The following C12orf50 variants were observed in gnomAD, a reference collection of about 807,000 sequenced individuals.
The protein encoded by C12orf50 is zinc finger CCCH-type containing 11D, also known as uncharacterized protein C12orf50.
C12orf50 carries 35 observed loss-of-function variants against 61.6 expected under a neutral mutation model. That is an observed-to-expected ratio of 0.57 (90% CI 0.43 to 0.75). C12orf50 has a LOEUF of 0.75. Among genes scored for constraint, C12orf50 ranks in the 30% least tolerant of loss-of-function variants. The pLI, the probability that C12orf50 is intolerant of heterozygous loss-of-function variation, is 0.00. For synonymous variants in C12orf50, 178 were observed against 161.5 expected (o/e 1.10, Z -0.77); for missense variants, 475 against 488.5 (o/e 0.97, Z 0.26).
intron 3 of C12orf50, among the ~76,000 whole-genome samples, chr12:88,001,292 A>ATATAT (rs2031644800): frequency 6.7e-6 from 1 of 149,590 alleles, no homozygotes; most frequent in African/African-American, 2.5e-5. Flanking sequence ...TATTGTGGGT[A>ATATAT]TATTATTATT....
rs141930463 is a variant in C12orf50 at position 87,994,667 on chromosome 12, T to A, written c.558A>T (p.Lys186Asn). 1,241 of 1,613,216 alleles carry A rather than the reference T, an allele frequency of 7.7e-4. 1 individual carries two copies. The highest frequency in any genetic ancestry group is 8.8e-4 in the Non-Finnish European group (1,040 of 1,179,404). Residue 186 changes from lysine (K) to asparagine (N), a missense_variant, in exon 7 of 13, where the codon AAA becomes AAT. By Grantham distance (94) the Lys-to-Asn change is moderately conservative (BLOSUM62 0). Transcript: ENST00000298699. ...CAAAAGCAGCAATGTCAGTCTTTGG[T>A]TTCCCATGCAATGATGTTTTTATTT... The part of the protein sequence containing the change: ...QGEIKTSLHG[K>N]PKTDIAAFEN...
At chr12:88,015,589 A>G (rs2032282231) in intron 3 of C12orf50, among the ~76,000 whole-genome samples, 1 of 152,208 alleles carries the variant, frequency 6.6e-6, no homozygotes. Flanking sequence ...TTTTAAAACA[A>G]GTTTGTCTAA....
chr12:88,004,203 T>C (rs1004660213), intron 3 of C12orf50, among the ~76,000 whole-genome samples: 2 of 152,178 alleles, frequency 1.3e-5, no homozygotes, highest in Non-Finnish European at 2.9e-5. Flanking sequence ...TTTAGGTCTT[T>C]GGACATATTA....
At chr12:87,981,343 G>A (rs1395053035) in intron 12 of C12orf50, among the ~76,000 whole-genome samples, 1 of 152,100 alleles carries the variant, frequency 6.6e-6, no homozygotes. Flanking sequence ...TGGGTCCTGT[G>A]CTGGGCTCTT....
At chr12:87,999,064 C>T (rs1189849112) in intron 3 of C12orf50, among the ~76,000 whole-genome samples, 1 of 152,068 alleles carries the variant, frequency 6.6e-6, no homozygotes, top group Non-Finnish European at 1.5e-5. Flanking sequence ...AAAGAAAAAG[C>T]AGTCAATGAA....
chr12:87,985,966 A>T lies in C12orf50; in HGVS notation c.1010T>A (p.Val337Asp), dbSNP rs2030795533. The T allele has an allele frequency of 1.2e-6, 2 of 1,613,784 alleles. No individual in the cohort carries two copies. The highest frequency in any genetic ancestry group is 2.7e-5 in the African/African-American group (2 of 74,888). Residue 337 changes from valine to aspartate, a missense_variant, in exon 11 of 13, where the codon GTT becomes GAT. Physicochemically the swap from Val to Asp is radical, Grantham distance 152 (BLOSUM62 -3). Coordinates refer to ENST00000298699, the MANE Select transcript of C12orf50 (RefSeq NM_152589.3). ...GACAGTCCTGACAGCATCTCTTTGAACGTGGATATAGGATGCATTCTCCGC... is the reference window on the plus strand; with the variant it reads ...GACAGTCCTGACAGCATCTCTTTGATCGTGGATATAGGATGCATTCTCCGC... ...RNAENASYIH[V>D]QRDAVRTVAL...
intron 3 of C12orf50, among the ~76,000 whole-genome samples, chr12:88,005,048 TA>T (rs564616687): frequency 1.3e-4 from 20 of 150,208 alleles, no homozygotes; most frequent in South Asian, 2.1e-4. Flanking sequence ...AAATAAAAGT[TA>T]AAAAAAAAAT....
Position 87,994,717 on chromosome 12 carries a change from G to A in C12orf50, c.508C>T (p.Leu170Phe). ...TCACCTTGCCTTTCATATTGGCTAAGTTTTGTCGGAACTGTAAGACTATCT... is the reference window on the plus strand; with the variant it reads ...TCACCTTGCCTTTCATATTGGCTAAATTTTGTCGGAACTGTAAGACTATCT... ...EGDSLTVPTK[L>F]SQYERQGEIK... Residue 170 changes from leucine to phenylalanine, a missense_variant, in exon 7 of 13, where the codon CTT becomes TTT. By Grantham distance (22) the Leu-to-Phe change is conservative. Coordinates refer to ENST00000298699, the MANE Select transcript of C12orf50 (RefSeq NM_152589.3). 6.2e-7 allele frequency: 1 copy of A among 1,612,664 alleles called. No homozygotes were observed. Among genetic ancestry groups the A allele is most frequent in the Non-Finnish European group, 8.5e-7 (1 of 1,179,078 alleles).
rs142709374 is a variant in C12orf50 at position 88,021,375 on chromosome 12, G to A, written c.133+5113C>T. ...AGGGAGGCCAGCTTCAGTGGCTCAC[G>A]CCTATAATCCCAGCACTTTGGGAGG... is the stretch of plus-strand genomic sequence containing the variant. On this transcript the variant is annotated intron_variant, in intron 3 of 12. Transcript: ENST00000298699. 1.4e-4 allele frequency among the ~76,000 whole-genome samples: 21 copies of A among 152,060 alleles called. No individual in the cohort carries two copies. In the East Asian group the frequency reaches 2.7e-3, roughly 20 times the overall value.
At chr12:88,015,023 G>T (rs899078753) in intron 3 of C12orf50, among the ~76,000 whole-genome samples, 4 of 151,818 alleles carry the variant, frequency 2.6e-5, no homozygotes, top group African/African-American at 9.7e-5. Flanking sequence ...ATGCTCTTTG[G>T]ACCTTGGATG....
chr12:87,986,480 G>C (rs937018594), intron 9 of C12orf50, 64 bp from the exon 10 acceptor site: 2 of 1,168,960 alleles, frequency 1.7e-6, no homozygotes, highest in African/African-American at 3.1e-5. Flanking sequence ...ATTACTGTAG[G>C]TGATAATTAC....
intron 7 of C12orf50, among the ~76,000 whole-genome samples, chr12:87,990,069 C>T (rs1025577865): frequency 5.9e-5 from 9 of 152,104 alleles, no homozygotes; most frequent in Admixed American, 5.9e-4. Flanking sequence ...TGTTGTAAAA[C>T]ATTGTGGCCA....
At chr12:88,015,914 G>A (rs1340731825) in intron 3 of C12orf50, among the ~76,000 whole-genome samples, 2 of 152,040 alleles carry the variant, frequency 1.3e-5, no homozygotes, top group Admixed American at 6.6e-5. Context: ...AGAGTAACTG[G>A]CAGTTTTATA....
intron 3 of C12orf50, among the ~76,000 whole-genome samples, chr12:88,016,618 G>A (rs751831791): frequency 6.6e-5 from 10 of 152,116 alleles, no homozygotes; most frequent in South Asian, 2.1e-4. Context: ...GTCAAGCAGC[G>A]GGAAAATAGT....
intron 7 of C12orf50, among the ~76,000 whole-genome samples, chr12:87,991,333 G>C (rs1233113980): frequency 6.6e-6 from 1 of 151,906 alleles, no homozygotes. Context: ...AAAACCTGAG[G>C]AAAATGAAAG....
In C12orf50 at chr12:87,983,125, T is replaced by C. The variant is rs1392196893; in HGVS notation, c.1197A>G (p.Ser399=). 2 of 1,595,104 alleles carry C rather than the reference T, an allele frequency of 1.3e-6. No individual in the cohort carries two copies. The change falls in exon 12 of 13, where the codon TCA becomes TCG. Residue 399 remains serine, a synonymous_variant. Transcript: ENST00000298699. ...RKRIPFSKTY[S]KSEKIYPEPR... is the part of the protein sequence containing the mutation. ...TACCTGGATATATCTTTTCACTTTT[T>C]GAATATGTTTTTGAAAAAGGAATTC...
In C12orf50 at chr12:88,022,037, CA is replaced by C. The variant is rs869159181; in HGVS notation, c.133+4450del. On this transcript the variant is annotated intron_variant, in intron 3 of 12. Coordinates refer to ENST00000298699, the MANE Select transcript of C12orf50 (RefSeq NM_152589.3). Reference sequence around the variant, plus strand: ...TACCAAAATGTGGCAGAAAGAAAACCAAAAAAAAAAAAATTTCAGGCCAATA... The same window carrying C: ...TACCAAAATGTGGCAGAAAGAAAACCAAAAAAAAAAAATTTCAGGCCAATA... Among the ~76,000 whole-genome samples, 125 of 137,916 alleles carry C rather than the reference CA, an allele frequency of 9.1e-4. No individual in the cohort carries two copies. The Middle Eastern group carries it at 0.011, about 12-fold the overall frequency. The allele number at this position is 137,916 out of a possible 152,430, so 90.5% of individuals were successfully genotyped here. A position where few individuals can be genotyped will look rare whatever the true frequency, so the allele number is the denominator to read the frequency against.
intron 3 of C12orf50, among the ~76,000 whole-genome samples, chr12:88,018,663 G>A (rs2032400721): frequency 6.6e-6 from 1 of 152,306 alleles, no homozygotes; most frequent in East Asian, 1.9e-4. Context: ...AGGAGCAGGG[G>A]CTCTACCCTG....
At chr12:88,000,964 T>C (rs1183284318) in intron 3 of C12orf50, among the ~76,000 whole-genome samples, 1 of 151,806 alleles carries the variant, frequency 6.6e-6, no homozygotes, top group South Asian at 2.1e-4. Context: ...CATATGCAAA[T>C]AGAGATAATG....
Sources: allele counts gnomAD v4.1 joint callset (sites outside exome capture counted in the v4.1 genomes callset), GRCh38; gene constraint gnomAD v4.1.1; transcripts MANE v1.5; gene names NCBI Gene and HGNC (gene_info 2026-07-23, HGNC 2026-07-21).